The following CAMK2G variants were observed in gnomAD, a reference collection of about 807,000 sequenced individuals.
The protein encoded by CAMK2G is calcium/calmodulin-dependent protein kinase type II subunit gamma.
CAMK2G carries 23 observed loss-of-function variants against 88.7 expected under a neutral mutation model. The observed-to-expected ratio is 0.26, with a 90% CI of 0.19 to 0.37. The LOEUF (loss-of-function observed/expected upper bound fraction) is 0.37. CAMK2G is among the 10% of genes least tolerant of loss of function. CAMK2G has a pLI of 1.00. For synonymous variants in CAMK2G, 263 were observed against 294.8 expected (o/e 0.89, Z 1.11); for missense variants, 476 against 780.8 (o/e 0.61, Z 4.65).
chr10:73,842,380 C>G lies in CAMK2G; in HGVS notation c.903+78G>C. 1 of 1,253,150 alleles carries G rather than the reference C, an allele frequency of 8.0e-7. No homozygotes were observed. The highest frequency in any genetic ancestry group is 1.2e-5 in the South Asian group (1 of 83,796). The allele number at this position is 1,253,150 out of a possible 1,614,324, so 77.6% of individuals were successfully genotyped here. On this transcript the variant is annotated intron_variant, in intron 11 of 22. Coordinates refer to ENST00000423381, the MANE Select transcript of CAMK2G (RefSeq NM_001367534.1). The surrounding 1 kb of genome is among the most constrained non-coding windows in gnomAD (Gnocchi z 4.6). The stretch of plus-strand genomic sequence containing the variant: ...CCAGCTCCAGCCAGGAGGGGAGCTT[C>G]CTTCTGAAATGGGGCAGGAGCCACA...
chr10:73,828,334 G>A (rs1009763600), intron 14 of CAMK2G, among the ~76,000 whole-genome samples: 2 of 152,134 alleles, frequency 1.3e-5, no homozygotes, highest in Admixed American at 6.5e-5. Flanking sequence ...ACTCTTTTGT[G>A]GTCAGGTTCA....
chr10:73,863,003 G>T (rs1320357577), intron 2 of CAMK2G, among the ~76,000 whole-genome samples: 1 of 152,244 alleles, frequency 6.6e-6, no homozygotes, highest in African/African-American at 2.4e-5. Context: ...GCAGGAAAGG[G>T]ATAAAAGGGG....
chr10:73,822,800 A>G (rs1176862482), intron 17 of CAMK2G, among the ~76,000 whole-genome samples: 1 of 152,156 alleles, frequency 6.6e-6, no homozygotes, highest in Non-Finnish European at 1.5e-5. Flanking sequence ...ACCTCCTGAA[A>G]GAAGCCCTCT....
At position 73,860,817 on chromosome 10, in the gene CAMK2G, C is replaced by A. The variant is rs1415238794; in HGVS notation, c.220+13G>T. 1.9e-6 allele frequency: 3 copies of A among 1,603,520 alleles called. No homozygotes were observed. Among genetic ancestry groups the A allele is most frequent in the Non-Finnish European group, 2.6e-6 (3 of 1,170,414 alleles). On this transcript the variant is annotated intron_variant, in intron 3 of 22. Coordinates refer to ENST00000423381, the MANE Select transcript of CAMK2G (RefSeq NM_001367534.1). Reference sequence around the variant, plus strand: ...CAAAATACCCACAAAATGCTCCATGCCCAGGCACTCACCGATGTTTGGATG... The same window carrying A: ...CAAAATACCCACAAAATGCTCCATGACCAGGCACTCACCGATGTTTGGATG...
intron 5 of CAMK2G, 126 bp from the exon 6 acceptor site, chr10:73,849,459 G>A: frequency 3.0e-6 from 2 of 662,344 alleles, no homozygotes; most frequent in Non-Finnish European, 5.5e-6. Flanking sequence ...TCACTTAACG[G>A]CCACTGGAAC....
intron 18 of CAMK2G, 114 bp downstream of exon 18, chr10:73,821,568 G>A: frequency 1.3e-6 from 1 of 787,008 alleles, no homozygotes; most frequent in South Asian, 1.5e-5. Flanking sequence ...CCTCTCCTAG[G>A]GGCATAGGAG....
chr10:73,873,685 C>A (rs897518828), intron 1 of CAMK2G, among the ~76,000 whole-genome samples: 4 of 139,086 alleles, frequency 2.9e-5, no homozygotes, highest in African/African-American at 8.1e-5. Flanking sequence ...TTGACGTCCC[C>A]GTCAAACGGG....
chr10:73,840,208 CTCAG>C (rs2093666897), intron 12 of CAMK2G, among the ~76,000 whole-genome samples: 2 of 152,184 alleles, frequency 1.3e-5, no homozygotes, highest in African/African-American at 2.4e-5. Flanking sequence ...AGGCAGCATT[CTCAG>C]TCTGTGTGTC....
chr10:73,870,742 G>A (rs541132246), intron 2 of CAMK2G, among the ~76,000 whole-genome samples: 7 of 152,232 alleles, frequency 4.6e-5, no homozygotes, highest in South Asian at 4.2e-4. Flanking sequence ...GGCAGACAGC[G>A]ATGAGTGAAA....
At chr10:73,873,757 C>A (rs562237216) in intron 1 of CAMK2G, among the ~76,000 whole-genome samples, 1 of 100,022 alleles carries the variant, frequency 1.0e-5, no homozygotes, top group Non-Finnish European at 2.0e-5. Context: ...CTGCAGTGGC[C>A]GGGCTCGGCG....
intron 14 of CAMK2G, 161 bp downstream of exon 14, chr10:73,837,307 G>C: frequency 1.4e-6 from 1 of 724,102 alleles, no homozygotes; most frequent in Non-Finnish European, 2.6e-6. Flanking sequence ...TTCCCTCTCA[G>C]GCCAGCAGAA....
In CAMK2G at chr10:73,815,037, G is replaced by A; in HGVS notation, c.1745C>T (p.Ala582Val). The change falls in exon 22 of 23, where the codon GCC (alanine) becomes GTC (valine). Residue 582 changes from alanine to valine, a missense_variant. Coordinates refer to ENST00000423381, the MANE Select transcript of CAMK2G (RefSeq NM_001367534.1). ...WLNVHYHCSG[A>V]PAAPLQ The stretch of plus-strand genomic sequence containing the variant: ...AGCTCACTGCAGCGGTGCGGCAGGG[G>A]CCCCTGAGCAGTGATAGTGGACATT... 1 of 1,613,592 alleles carries A rather than the reference G, an allele frequency of 6.2e-7. No individual in the cohort carries two copies. The highest frequency in any genetic ancestry group is 1.1e-5 in the South Asian group (1 of 91,048).
intron 5 of CAMK2G, 31 bp from the exon 6 acceptor site, chr10:73,849,364 C>T (rs2094466861): frequency 3.2e-6 from 5 of 1,556,284 alleles, no homozygotes; most frequent in East Asian, 2.3e-5. Flanking sequence ...GAAATGTTAG[C>T]GCAGGGTTAA....
chr10:73,845,605 C>T (rs1373602076), intron 10 of CAMK2G, among the ~76,000 whole-genome samples: 2 of 151,544 alleles, frequency 1.3e-5, no homozygotes, highest in African/African-American at 2.4e-5. Context: ...AGAAAACCAT[C>T]GTCTTGTCTC....
chr10:73,823,895 A>G (rs2133531873), intron 17 of CAMK2G, 145 bp downstream of exon 17: 1 of 742,266 alleles, frequency 1.3e-6, no homozygotes, highest in South Asian at 1.4e-5. Flanking sequence ...CTTCCTCAGC[A>G]TGGAGCAACT....
intron 3 of CAMK2G, among the ~76,000 whole-genome samples, chr10:73,856,860 C>A (rs555525409): frequency 1.3e-5 from 2 of 152,256 alleles, no homozygotes; most frequent in Non-Finnish European, 2.9e-5. Flanking sequence ...GAGATAGCCA[C>A]AACCCAAATG....
intron 2 of CAMK2G, among the ~76,000 whole-genome samples, chr10:73,868,976 C>T (rs2095700706): frequency 6.6e-6 from 1 of 152,250 alleles, no homozygotes; most frequent in African/African-American, 2.4e-5. Context: ...AACGAGGCCC[C>T]TAATCACAGA....
At chr10:73,836,100 C>T (rs1033602862) in intron 14 of CAMK2G, among the ~76,000 whole-genome samples, 1 of 152,184 alleles carries the variant, frequency 6.6e-6, no homozygotes, top group African/African-American at 2.4e-5. Flanking sequence ...TCCCAAAGTG[C>T]TGGGATTACA....
rs11000790 is a variant in CAMK2G at position 73,835,746 on chromosome 10, A to G, written c.1053+1722T>C. The stretch of plus-strand genomic sequence containing the variant: ...AATCTACCACACACCCTGTGTTCTC[A>G]CTGGGCAGAGAACATCAATATGTAT... On this transcript the variant is annotated intron_variant, in intron 14 of 22. Coordinates refer to ENST00000423381, the MANE Select transcript of CAMK2G (RefSeq NM_001367534.1). 0.025 allele frequency among the ~76,000 whole-genome samples: 3,757 copies of G among 152,236 alleles called. 446 individuals carry two copies. In the East Asian group the frequency reaches 0.38, roughly 15 times the overall value.
Sources: allele counts gnomAD v4.1 joint callset (sites outside exome capture counted in the v4.1 genomes callset), GRCh38; gene constraint gnomAD v4.1.1; non-coding constraint Gnocchi (gnomAD v3.1); transcripts MANE v1.5; gene names NCBI Gene and HGNC (gene_info 2026-07-23, HGNC 2026-07-21).